The following DDR2 variants were observed in gnomAD, a reference collection of about 807,000 sequenced individuals.
DDR2 encodes discoidin domain-containing receptor 2.
DDR2 carries 27 observed loss-of-function variants against 94.9 expected under a neutral mutation model. The observed-to-expected ratio is 0.28, with a 90% CI of 0.21 to 0.39. DDR2 has a LOEUF of 0.39. Ranked by LOEUF, DDR2 falls within the 10% of genes least tolerant of loss-of-function variation. DDR2 has a pLI of 1.00. For synonymous variants in DDR2, 382 were observed against 377.2 expected, an observed-to-expected ratio of 1.01 and a Z score of -0.15; for missense variants, 783 against 1,076.0, an observed-to-expected ratio of 0.73 and a Z score of 3.81.
intron 2 of DDR2, among the ~76,000 whole-genome samples, chr1:162,678,853 T>C (rs995102880): frequency 2.6e-5 from 4 of 152,026 alleles, no homozygotes; most frequent in African/African-American, 4.8e-5. Flanking sequence ...GGAGTCAGAG[T>C]CCTGGAGACC....
At chr1:162,691,605 G>A (rs990459497) in intron 2 of DDR2, among the ~76,000 whole-genome samples, 2 of 152,216 alleles carry the variant, frequency 1.3e-5, no homozygotes, top group African/African-American at 4.8e-5. Context: ...TGACGTGCTG[G>A]CAAGTACAAC....
At position 162,636,583 on chromosome 1, in the gene DDR2, A is replaced by T. The variant is rs903854510; in HGVS notation, c.-192+3952A>T. 3.3e-5 allele frequency among the ~76,000 whole-genome samples: 5 copies of T among 152,184 alleles called. No homozygotes were observed. In the East Asian group the frequency reaches 7.7e-4, roughly 23 times the overall value. On this transcript the variant is annotated intron_variant, in intron 1 of 17. Coordinates refer to ENST00000367921, the MANE Select transcript of DDR2 (RefSeq NM_006182.4). ...AACTTCAGATGCGTGATGTAGTGAA[A>T]AGAACATGTAGTGAGGCTCTAGTCC... is the stretch of plus-strand genomic sequence containing the variant.
intron 2 of DDR2, among the ~76,000 whole-genome samples, chr1:162,714,531 C>T (rs1274064111): frequency 6.6e-6 from 1 of 152,176 alleles, no homozygotes; most frequent in Non-Finnish European, 1.5e-5. Flanking sequence ...TAGTACATTT[C>T]CATTTATTCA....
chr1:162,647,025 C>T (rs1657445955), intron 1 of DDR2, among the ~76,000 whole-genome samples: 1 of 152,184 alleles, frequency 6.6e-6, no homozygotes, highest in African/African-American at 2.4e-5. Flanking sequence ...GGGCAATTGT[C>T]AAGAAAGATG....
chr1:162,681,855 T>C (rs1246447786), intron 2 of DDR2, among the ~76,000 whole-genome samples: 2 of 152,214 alleles, frequency 1.3e-5, no homozygotes, highest in African/African-American at 2.4e-5. Context: ...AGAGAGTGTA[T>C]GTTCACAGCA....
At chr1:162,721,950 T>G (rs1396501779) in intron 3 of DDR2, among the ~76,000 whole-genome samples, 3 of 152,218 alleles carry the variant, frequency 2.0e-5, no homozygotes, top group Non-Finnish European at 4.4e-5. Flanking sequence ...TTGAAGATCT[T>G]ACAATGACTA....
At chr1:162,723,074 C>T (rs571902625) in intron 3 of DDR2, among the ~76,000 whole-genome samples, 63 of 152,290 alleles carry the variant, frequency 4.1e-4, no homozygotes, top group African/African-American at 1.5e-3. Context: ...TGCTTAGTGG[C>T]AGGTGAATGC....
intron 7 of DDR2, 91 bp downstream of exon 7, chr1:162,755,860 C>A (rs886808825): frequency 4.4e-6 from 5 of 1,123,646 alleles, no homozygotes; most frequent in Non-Finnish European, 6.7e-6. Flanking sequence ...ATCAATCAAC[C>A]AATCAGTATT....
intron 3 of DDR2, among the ~76,000 whole-genome samples, chr1:162,733,912 A>G (rs186366674): frequency 3.7e-4 from 57 of 152,208 alleles, no homozygotes; most frequent in Non-Finnish European, 7.2e-4. Context: ...AGTATTTTCC[A>G]TAGCTTCGTC....
chr1:162,693,767 G>A lies in DDR2; in HGVS notation c.-27-25270G>A, dbSNP rs540031114. Among the ~76,000 whole-genome samples, 3 of 152,238 alleles carry A rather than the reference G, an allele frequency of 2.0e-5. No homozygotes were observed. The South Asian group carries it at 6.2e-4, about 32-fold the overall frequency. Reference sequence around the variant, plus strand: ...GAGCCTGGATGAAGTGAGTAAGGGAGGCTGACAGGTATGTGAAGAACATTC... The same window carrying A: ...GAGCCTGGATGAAGTGAGTAAGGGAAGCTGACAGGTATGTGAAGAACATTC... On this transcript the variant is annotated intron_variant, in intron 2 of 17. Transcript: ENST00000367921.
rs1484252631 is a variant in DDR2 at position 162,784,361 on chromosome 1, A to G, written c.*4115A>G. The G allele has an allele frequency of 6.5e-6, 1 of 154,318 alleles. No individual in the cohort carries two copies. Among genetic ancestry groups the G allele is most frequent in the Non-Finnish European group, 1.5e-5 (1 of 68,198 alleles). 9.6% of individuals were successfully genotyped at this position (154,318 alleles called of 1,614,324 possible). A position where few individuals can be genotyped will look rare whatever the true frequency, so the allele number is the denominator to read the frequency against. On this transcript the variant is annotated 3_prime_UTR_variant, in exon 18 of 18. Transcript: ENST00000367921. ...CTACTAAGTCTTTGATCATAAGTCG[A>G]ATTTATAGACCTGGAATTTGCCATC...
In DDR2 at chr1:162,783,794, C is replaced by T. The variant is rs555436156; in HGVS notation, c.*3548C>T. The T allele has an allele frequency of 3.3e-5, 5 of 152,238 alleles. No homozygotes were observed. In the East Asian group the frequency reaches 9.6e-4, roughly 29 times the overall value. The allele number at this position is 152,238 out of a possible 1,614,324, so 9.4% of individuals were successfully genotyped here. On this transcript the variant is annotated 3_prime_UTR_variant, in exon 18 of 18. Transcript: ENST00000367921. ...CCATCGGGGAATGACCTTTTCATTTCAGAAGTGGATGAGGAAGGTGGTGTG... is the reference window on the plus strand; with the variant it reads ...CCATCGGGGAATGACCTTTTCATTTTAGAAGTGGATGAGGAAGGTGGTGTG...
intron 3 of DDR2, among the ~76,000 whole-genome samples, chr1:162,729,137 C>G (rs1199725143): frequency 6.6e-6 from 1 of 150,716 alleles, no homozygotes; most frequent in African/African-American, 2.4e-5. Context: ...AAAAAAACTC[C>G]ATTAGTGATC....
At chr1:162,700,015 G>A (rs1246477040) in intron 2 of DDR2, among the ~76,000 whole-genome samples, 1 of 152,156 alleles carries the variant, frequency 6.6e-6, no homozygotes, top group Non-Finnish European at 1.5e-5. Context: ...ATAAGCATCT[G>A]CAACTCTGTT....
At chr1:162,737,901 G>A (rs1289480787) in intron 3 of DDR2, among the ~76,000 whole-genome samples, 4 of 151,232 alleles carry the variant, frequency 2.6e-5, no homozygotes, top group African/African-American at 7.3e-5. Context: ...GCATTTCTCT[G>A]ATGGCCAGTG....
chr1:162,757,632 AATGAGTC>A (rs879941892), intron 7 of DDR2, among the ~76,000 whole-genome samples: 18 of 152,294 alleles, frequency 1.2e-4, no homozygotes, highest in Admixed American at 1.0e-3. Context: ...TCATTAATGT[AATGAGTC>A]ATTGAAGATT....
rs191651271 is a variant in DDR2 at position 162,747,431 on chromosome 1, G to A, written c.83-5664G>A. ...GAAGTTCAAGTGAATGAAATGAAGC[G>A]AGAAGAGAAGTTTAGAGAAAAAAGA... On this transcript the variant is annotated intron_variant, in intron 3 of 17. Transcript: ENST00000367921. Among the ~76,000 whole-genome samples the A allele has an allele frequency of 8.2e-5, 12 of 146,706 alleles. No homozygotes were observed. In the East Asian group the frequency reaches 1.8e-3, roughly 22 times the overall value.
intron 1 of DDR2, among the ~76,000 whole-genome samples, chr1:162,638,658 G>T (rs1420253718): frequency 2.0e-5 from 3 of 152,190 alleles, no homozygotes; most frequent in African/African-American, 4.8e-5. Flanking sequence ...GCATGTAAAA[G>T]TTAGAGGATT....
At chr1:162,708,017 G>A (rs1660734859) in intron 2 of DDR2, among the ~76,000 whole-genome samples, 1 of 152,314 alleles carries the variant, frequency 6.6e-6, no homozygotes, top group South Asian at 2.1e-4. Context: ...TACAGGATAT[G>A]GTTGCAAAGG....
Sources: allele counts gnomAD v4.1 joint callset (sites outside exome capture counted in the v4.1 genomes callset), GRCh38; gene constraint gnomAD v4.1.1; transcripts MANE v1.5; gene names NCBI Gene and HGNC (gene_info 2026-07-23, HGNC 2026-07-21).